The following ADD2 variants were observed in gnomAD, a reference collection of about 807,000 sequenced individuals.
ADD2 encodes the protein beta-adducin.
Under a neutral mutation model 83.0 loss-of-function variants are expected in ADD2, and 23 were observed. The ratio of observed to expected loss-of-function variants is 0.28; its 90% confidence interval spans 0.20 to 0.39. ADD2 has a LOEUF of 0.39. ADD2 is among the 10% of genes least tolerant of loss of function. ADD2 has a pLI of 1.00. For synonymous variants in ADD2, 375 were observed against 375.4 expected, an observed-to-expected ratio of 1.00 and a Z score of 0.01; for missense variants, 758 against 944.9, an observed-to-expected ratio of 0.80 and a Z score of 2.59.
chr2:70,672,958 G>T lies in ADD2; in HGVS notation c.1790C>A (p.Ala597Glu). The change falls in exon 15 of 16, where the codon GCA becomes GAA. Residue 597 changes from alanine (A) to glutamate (E), a missense_variant. Transcript: ENST00000264436. Reference protein sequence around the residue: ...PEEPGSPAKSAPASPVQSPAK... With the variant: ...PEEPGSPAKSEPASPVQSPAK... ...TGGGCTCTGCACTGGAGAAGCAGGT[G>T]CAGACTTTGCAGGTGAGCCAGGCTC... The T allele has an allele frequency of 6.2e-7, 1 of 1,613,902 alleles. No homozygotes were observed. The highest frequency in any genetic ancestry group is 8.5e-7 in the Non-Finnish European group (1 of 1,179,988).
At chr2:70,664,451 C>T (rs1013734064) in intron 15 of ADD2, among the ~76,000 whole-genome samples, 1 of 152,192 alleles carries the variant, frequency 6.6e-6, no homozygotes, top group Non-Finnish European at 1.5e-5. Flanking sequence ...CCTTTCTCCC[C>T]CTCCCCACTC....
intron 1 of ADD2, among the ~76,000 whole-genome samples, chr2:70,741,877 C>T (rs940232775): frequency 4.6e-5 from 7 of 152,086 alleles, no homozygotes; most frequent in African/African-American, 9.7e-5. Flanking sequence ...GGTCACAATA[C>T]CAGCTCCTCC....
At chr2:70,721,161 AATCTACTGT>A (rs1304256434) in intron 1 of ADD2, among the ~76,000 whole-genome samples, 2 of 152,094 alleles carry the variant, frequency 1.3e-5, no homozygotes, top group Non-Finnish European at 2.9e-5. Flanking sequence ...CTGCTCTCTA[AATCTACTGT>A]TATCTTCTCA....
Position 70,657,760 on chromosome 2 carries a change from A to G in ADD2, c.*5665T>C, listed in dbSNP as rs1199413506. On this transcript the variant is annotated 3_prime_UTR_variant, in exon 16 of 16. Coordinates refer to ENST00000264436, the MANE Select transcript of ADD2 (RefSeq NM_001617.4). ...ACAGTTATTCTCCCACCACCCCCCA[A>G]ACTCTTACGTTTTCTTTAAACTACC... is the stretch of plus-strand genomic sequence containing the variant. The G allele has an allele frequency of 6.6e-6, 1 of 152,196 alleles. No homozygotes were observed. The highest frequency in any genetic ancestry group is 1.5e-5 in the Non-Finnish European group (1 of 68,116). 9.4% of individuals were successfully genotyped at this position (152,196 alleles called of 1,614,324 possible). A position where few individuals can be genotyped will look rare whatever the true frequency, so the allele number is the denominator to read the frequency against.
intron 1 of ADD2, among the ~76,000 whole-genome samples, chr2:70,765,350 C>T (rs1675328560): frequency 6.6e-6 from 1 of 152,154 alleles, no homozygotes; most frequent in Admixed American, 6.5e-5. Context: ...GAGATTGTGT[C>T]TCAAAAAAAT....
In ADD2 at chr2:70,658,666, TGAGAGA is replaced by T. The variant is rs1163394657; in HGVS notation, c.*4753_*4758del. On this transcript the variant is annotated 3_prime_UTR_variant, in exon 16 of 16. Coordinates refer to ENST00000264436, the MANE Select transcript of ADD2 (RefSeq NM_001617.4). ...TTAGAGTTCAACTGAGCTCCAGTGA[TGAGAGA>T]GAATGTAAAAAGACCTGTTTCCTCT... 2 of 152,126 alleles carry T rather than the reference TGAGAGA, an allele frequency of 1.3e-5. No individual in the cohort carries two copies. The highest frequency in any genetic ancestry group is 4.8e-5 in the African/African-American group (2 of 41,420). The allele number at this position is 152,126 out of a possible 1,614,324, so 9.4% of individuals were successfully genotyped here.
chr2:70,707,801 G>A (rs552931435), intron 2 of ADD2, among the ~76,000 whole-genome samples: 1 of 152,224 alleles, frequency 6.6e-6, no homozygotes, highest in Non-Finnish European at 1.5e-5. Context: ...TCCATAACCT[G>A]CCACTCCCTT....
In ADD2 at chr2:70,675,868, G is replaced by A. The variant is rs144841702; in HGVS notation, c.1593+928C>T. The A allele has an allele frequency of 3.0e-6, 3 of 985,232 alleles. No individual in the cohort carries two copies. In the African/African-American group the frequency reaches 5.2e-5, roughly 17 times the overall value. 61.0% of individuals were successfully genotyped at this position (985,232 alleles called of 1,614,324 possible). On this transcript the variant is annotated intron_variant, in intron 13 of 15. Coordinates refer to ENST00000264436, the MANE Select transcript of ADD2 (RefSeq NM_001617.4). ...GAGATTTTTGTTTGTTTTTTTAACA[G>A]TGTTGCTCATTGTAATGAACTCTCA...
chr2:70,760,228 C>T (rs1675011074), intron 1 of ADD2, among the ~76,000 whole-genome samples: 1 of 152,182 alleles, frequency 6.6e-6, no homozygotes, highest in Admixed American at 6.5e-5. Context: ...GTGTTTATAA[C>T]CCTGAACCTG....
In ADD2 at chr2:70,676,327, G is replaced by T. The variant is rs1421073450; in HGVS notation, c.1593+469C>A. 9.8e-7 allele frequency: 1 copy of T among 1,021,382 alleles called. No individual in the cohort carries two copies. Among genetic ancestry groups the T allele is most frequent in the Non-Finnish European group, 1.2e-6 (1 of 853,648 alleles). 63.3% of individuals were successfully genotyped at this position (1,021,382 alleles called of 1,614,324 possible). On this transcript the variant is annotated intron_variant, in intron 13 of 15. Transcript: ENST00000264436. The surrounding 1 kb of genome is among the most constrained non-coding windows in gnomAD (Gnocchi z 4.8). ...CCCTTCCCATCCTGTAGGAGCATGG[G>T]TCCTGTCTATATACCCCTTCTCTAT...
chr2:70,663,691 G>A lies in ADD2; in HGVS notation c.1915C>T (p.Pro639Ser), dbSNP rs782489358. The A allele has an allele frequency of 6.2e-7, 1 of 1,614,080 alleles. No homozygotes were observed. The highest frequency in any genetic ancestry group is 1.3e-5 in the African/African-American group (1 of 75,004). The change falls in exon 16 of 16, where the codon CCC becomes TCC. Residue 639 changes from proline (P) to serine (S), a missense_variant. Transcript: ENST00000264436. The part of the protein sequence containing the change: ...TETSKAATTE[P>S]ETTQPEGVVV... Reference sequence around the variant, plus strand: ...ACCCCTTCCGGCTGGGTTGTTTCGGGCTCTGTGGTGGCGGCTTTGCTTGTT... The same window carrying A: ...ACCCCTTCCGGCTGGGTTGTTTCGGACTCTGTGGTGGCGGCTTTGCTTGTT...
intron 1 of ADD2, among the ~76,000 whole-genome samples, chr2:70,748,756 G>T (rs1259730164): frequency 6.6e-6 from 1 of 152,164 alleles, no homozygotes; most frequent in African/African-American, 2.4e-5. Flanking sequence ...TTTAAATGTG[G>T]CAGCTATATG....
intron 1 of ADD2, among the ~76,000 whole-genome samples, chr2:70,742,505 G>A (rs1673969810): frequency 6.6e-6 from 1 of 152,066 alleles, no homozygotes; most frequent in African/African-American, 2.4e-5. Flanking sequence ...ATGGACTGCT[G>A]GTTGAAGAAC....
At chr2:70,679,348 A>G (rs571399692) in intron 10 of ADD2, among the ~76,000 whole-genome samples, 37 of 152,382 alleles carry the variant, frequency 2.4e-4, no homozygotes, top group African/African-American at 8.7e-4. Context: ...GCCCTGATGC[A>G]GAGTTGCCCA....
intron 1 of ADD2, among the ~76,000 whole-genome samples, chr2:70,734,380 T>C (rs1250963721): frequency 2.8e-5 from 4 of 143,038 alleles, no homozygotes; most frequent in East Asian, 2.2e-4. Flanking sequence ...CACACACACA[T>C]GTTGCTCTAG....
chr2:70,752,299 T>C (rs981842064), intron 1 of ADD2, among the ~76,000 whole-genome samples: 32 of 152,350 alleles, frequency 2.1e-4, no homozygotes, highest in African/African-American at 6.7e-4. Flanking sequence ...TTATAAGTTA[T>C]AAAGTTTATT....
At chr2:70,715,223 G>A (rs1672401256) in intron 1 of ADD2, among the ~76,000 whole-genome samples, 1 of 152,152 alleles carries the variant, frequency 6.6e-6, no homozygotes, top group South Asian at 2.1e-4. Context: ...GAGGCCTAAT[G>A]CCAGGGCTGC....
chr2:70,754,374 A>T (rs1438880785), intron 1 of ADD2, among the ~76,000 whole-genome samples: 1 of 152,102 alleles, frequency 6.6e-6, no homozygotes, highest in Non-Finnish European at 1.5e-5. Context: ...CCCACAGGAC[A>T]CTATTGCCCC....
chr2:70,677,104 CAGA>C (rs1179313708), intron 12 of ADD2, among the ~76,000 whole-genome samples: 1 of 152,066 alleles, frequency 6.6e-6, no homozygotes, highest in Admixed American at 6.5e-5. Context: ...TTCATGAAAC[CAGA>C]AGGAGCTGTA....
Sources: allele counts gnomAD v4.1 joint callset (sites outside exome capture counted in the v4.1 genomes callset), GRCh38; gene constraint gnomAD v4.1.1; non-coding constraint Gnocchi (gnomAD v3.1); transcripts MANE v1.5; gene names NCBI Gene and HGNC (gene_info 2026-07-23, HGNC 2026-07-21).